Variants in DPP10 observed in about 807,000 individuals in gnomAD.
DPP10 encodes the protein dipeptidyl peptidase like 10.
A neutral mutation model predicts 120.9 loss-of-function variants in DPP10; 33 were observed. The observed-to-expected ratio is 0.27, with a 90% CI of 0.21 to 0.37. The LOEUF is 0.37. Ranked by LOEUF, DPP10 falls within the 10% of genes least tolerant of loss-of-function variation. The pLI is 1.00. For synonymous variants in DPP10, 337 were observed against 326.1 expected, an observed-to-expected ratio of 1.03 and a Z score of -0.36; for missense variants, 816 against 942.8, an observed-to-expected ratio of 0.87 and a Z score of 1.76.
chr2:115,375,338 G>A (rs1418414640), intron 3 of DPP10, among the ~76,000 whole-genome samples: 1 of 152,178 alleles, frequency 6.6e-6, no homozygotes, highest in Non-Finnish European at 1.5e-5. Context: ...TATAGCAAGA[G>A]TGACCTTTGC....
chr2:114,801,847 T>C (rs775933392), intron 1 of DPP10, among the ~76,000 whole-genome samples: 2 of 152,224 alleles, frequency 1.3e-5, no homozygotes, highest in Non-Finnish European at 2.9e-5. Flanking sequence ...CTTGGATTCA[T>C]GTACATGAAA....
intron 1 of DPP10, among the ~76,000 whole-genome samples, chr2:114,480,466 A>G (rs1404173075): frequency 1.3e-5 from 2 of 152,172 alleles, no homozygotes; most frequent in Non-Finnish European, 2.9e-5. Context: ...CAAATGTCCA[A>G]CAATGATAGA....
intron 3 of DPP10, among the ~76,000 whole-genome samples, chr2:115,479,631 A>T (rs2075306065): frequency 6.8e-6 from 1 of 147,310 alleles, no homozygotes; most frequent in Admixed American, 6.6e-5. Context: ...AATTTTAAAT[A>T]AAAACACACA....
intron 1 of DPP10, among the ~76,000 whole-genome samples, chr2:115,300,984 T>C (rs904755434): frequency 3.9e-5 from 6 of 152,020 alleles, no homozygotes; most frequent in African/African-American, 1.4e-4. Context: ...AGGAAGATGT[T>C]CTCTAAATAG....
chr2:115,194,284 G>A (rs1408672062), intron 1 of DPP10, among the ~76,000 whole-genome samples: 1 of 152,098 alleles, frequency 6.6e-6, no homozygotes, highest in African/African-American at 2.4e-5. Flanking sequence ...GAGTGCAATG[G>A]CGTGATCTCG....
chr2:115,480,171 TC>T (rs1052910269), intron 3 of DPP10, among the ~76,000 whole-genome samples: 1 of 152,074 alleles, frequency 6.6e-6, no homozygotes, highest in Non-Finnish European at 1.5e-5. Context: ...GAATTCTGGC[TC>T]CCCCGTTCTC....
intron 1 of DPP10, among the ~76,000 whole-genome samples, chr2:115,116,781 C>T (rs1237414954): frequency 9.2e-5 from 14 of 152,132 alleles, no homozygotes; most frequent in African/African-American, 4.8e-5. Flanking sequence ...TAACATTATG[C>T]TTTCCTCTTG....
At chr2:114,712,066 T>C (rs1479546630) in intron 1 of DPP10, among the ~76,000 whole-genome samples, 1 of 152,192 alleles carries the variant, frequency 6.6e-6, no homozygotes, top group Non-Finnish European at 1.5e-5. Context: ...ACAACTGTAA[T>C]CCCAGCACTA....
intron 1 of DPP10, among the ~76,000 whole-genome samples, chr2:114,457,925 G>T (rs1172811384): frequency 6.6e-6 from 1 of 152,068 alleles, no homozygotes; most frequent in Non-Finnish European, 1.5e-5. Flanking sequence ...ATTCCTCTAT[G>T]CCTGCTTGGA....
In DPP10 at chr2:115,182,625, T is replaced by C. The variant is rs535121351; in HGVS notation, c.61-126614T>C. ...AAAGGTACTCCAATGCAAAGGACTT[T>C]AACGCAAAGTGTAGATACTCCTTTC... is the stretch of plus-strand genomic sequence containing the variant. On this transcript the variant is annotated intron_variant, in intron 1 of 25. Transcript: ENST00000410059. Among the ~76,000 whole-genome samples, 5 of 152,324 alleles carry C rather than the reference T, an allele frequency of 3.3e-5. No individual in the cohort carries two copies. The East Asian group carries it at 7.7e-4, about 24-fold the overall frequency.
At chr2:115,775,655 A>G (rs1194428920) in intron 13 of DPP10, among the ~76,000 whole-genome samples, 1 of 152,112 alleles carries the variant, frequency 6.6e-6, no homozygotes, top group African/African-American at 2.4e-5. Context: ...AAATGAAAAA[A>G]TATGGCATGT....
intron 5 of DPP10, among the ~76,000 whole-genome samples, chr2:115,604,805 C>A (rs1335042824): frequency 6.6e-6 from 1 of 152,130 alleles, no homozygotes; most frequent in Non-Finnish European, 1.5e-5. Flanking sequence ...TCCTTCTTAC[C>A]ATACTGCAAA....
At chr2:115,677,553 T>C (rs938514664) in intron 5 of DPP10, among the ~76,000 whole-genome samples, 5 of 152,076 alleles carry the variant, frequency 3.3e-5, no homozygotes, top group African/African-American at 1.2e-4. Context: ...TAAGGATACA[T>C]GTAGACTGAA....
chr2:115,669,359 A>G (rs1173188236), intron 5 of DPP10, among the ~76,000 whole-genome samples: 1 of 152,158 alleles, frequency 6.6e-6, no homozygotes. Flanking sequence ...TTAGTTGTGT[A>G]CTGTAGTTAA....
At chr2:115,756,948 A>G (rs1237627920) in intron 11 of DPP10, among the ~76,000 whole-genome samples, 1 of 152,114 alleles carries the variant, frequency 6.6e-6, no homozygotes, top group Non-Finnish European at 1.5e-5. Context: ...GTGATAACAA[A>G]CCTACTCCCA....
chr2:115,368,384 A>T (rs551431572), intron 3 of DPP10, among the ~76,000 whole-genome samples: 1 of 152,228 alleles, frequency 6.6e-6, no homozygotes, highest in Non-Finnish European at 1.5e-5. Flanking sequence ...AGATTAAAGG[A>T]TGTAATATAT....
At chr2:115,705,407 AC>A (rs2149548297) in intron 7 of DPP10, among the ~76,000 whole-genome samples, 1 of 152,096 alleles carries the variant, frequency 6.6e-6, no homozygotes, top group South Asian at 2.1e-4. Context: ...TTGTATGCAC[AC>A]ACACACATTC....
At position 114,664,960 on chromosome 2, in the gene DPP10, T is replaced by TCCAAAAGATGGCAC. The variant is rs1697801853; in HGVS notation, c.60+222122_60+222123insCCAAAAGATGGCAC. 6.5e-5 allele frequency among the ~76,000 whole-genome samples: 7 copies of TCCAAAAGATGGCAC among 107,780 alleles called. No homozygotes were observed. In the South Asian group the frequency reaches 7.7e-4, roughly 12 times the overall value. 70.7% of individuals were successfully genotyped at this position (107,780 alleles called of 152,430 possible). ...GGCACAGAGCATCCAAAAGATGGCA[T>TCCAAAAGATGGCAC]AGAGCATCCAAAAGATGGCAGAGAG... is the stretch of plus-strand genomic sequence containing the variant. On this transcript the variant is annotated intron_variant, in intron 1 of 25. Coordinates refer to ENST00000410059, the MANE Select transcript of DPP10 (RefSeq NM_020868.6).
chr2:114,827,619 G>T (rs535946660), intron 1 of DPP10, among the ~76,000 whole-genome samples: 1 of 152,256 alleles, frequency 6.6e-6, no homozygotes, highest in South Asian at 2.1e-4. Context: ...TGCTTTGTGT[G>T]TGTGTGTGTT....
Sources: gnomAD v4.1 joint callset for allele counts (sites outside exome capture counted in the v4.1 genomes callset) on GRCh38, gnomAD v4.1.1 for gene constraint, MANE v1.5 for transcripts, NCBI Gene and HGNC (gene_info 2026-07-23, HGNC 2026-07-21) for gene names.